The following SPECC1 variants were observed in gnomAD, a reference collection of about 807,000 sequenced individuals.
The protein encoded by SPECC1 is cytospin-B.
SPECC1 carries 62 observed loss-of-function variants against 104.1 expected under a neutral mutation model. The observed-to-expected ratio is 0.60, with a 90% CI of 0.49 to 0.74. SPECC1 has a LOEUF of 0.74. Among genes scored for constraint, SPECC1 ranks in the 30% least tolerant of loss-of-function variants. The pLI, the probability that SPECC1 is intolerant of heterozygous loss-of-function variation, is 0.00. For missense variants in SPECC1, 1,306 were observed against 1,310.5 expected (o/e 1.00, Z 0.05); for synonymous variants, 513 against 501.6 (o/e 1.02, Z -0.30).
At chr17:20,011,882 CCAT>C (rs2043956469) in intron 1 of SPECC1, among the ~76,000 whole-genome samples, 1 of 152,020 alleles carries the variant, frequency 6.6e-6, no homozygotes, top group Admixed American at 6.5e-5. Flanking sequence ...TACCTGTTTA[CCAT>C]TTCTTCACTT....
chr17:20,295,246 C>T (rs2041310312), intron 12 of SPECC1, among the ~76,000 whole-genome samples: 1 of 147,400 alleles, frequency 6.8e-6, no homozygotes, highest in Non-Finnish European at 1.5e-5. Flanking sequence ...GTTTAGTTCC[C>T]ACCTATGAGT....
intron 12 of SPECC1, among the ~76,000 whole-genome samples, chr17:20,283,561 C>G (rs1444942268): frequency 6.6e-6 from 1 of 152,094 alleles, no homozygotes; most frequent in Non-Finnish European, 1.5e-5. Context: ...ATTACAGGTT[C>G]ATTTCTCTGC....
chr17:20,103,694 A>T (rs1176330341), intron 2 of SPECC1, among the ~76,000 whole-genome samples: 2 of 152,048 alleles, frequency 1.3e-5, no homozygotes, highest in Non-Finnish European at 2.9e-5. Context: ...CAGTCTCCCT[A>T]GGAGCATGGC....
At chr17:20,059,887 A>G (rs981545119) in intron 1 of SPECC1, among the ~76,000 whole-genome samples, 1 of 152,074 alleles carries the variant, frequency 6.6e-6, no homozygotes, top group Non-Finnish European at 1.5e-5. Context: ...ACAAAGCAAA[A>G]CAAACATGAG....
chr17:20,120,482 G>A (rs1037008048), intron 3 of SPECC1, among the ~76,000 whole-genome samples: 1 of 152,190 alleles, frequency 6.6e-6, no homozygotes, highest in Non-Finnish European at 1.5e-5. Context: ...AGGCTCAGCT[G>A]TGAAGGAAAA....
At chr17:20,062,817 T>C (rs972094838) in intron 1 of SPECC1, among the ~76,000 whole-genome samples, 2 of 151,614 alleles carry the variant, frequency 1.3e-5, no homozygotes, top group African/African-American at 4.9e-5. Context: ...GCCTCCCGAG[T>C]AGCAAGGATT....
Position 20,245,980 on chromosome 17 carries a change from T to G in SPECC1, c.2406T>G (p.Pro802=), listed in dbSNP as rs1344496769. ...AGGTCGATGCTGCTGGTCGGTGGCC[T>G]GGTGTCTGTGTTAGCAGAACATCTC... is the stretch of plus-strand genomic sequence containing the variant. ...SSEVDAAGRW[P]GVCVSRTSPT... The change falls in exon 8 of 15, where the codon CCT becomes CCG. Residue 802 remains proline (P), a synonymous_variant. Transcript: ENST00000395527. 1.9e-6 allele frequency: 3 copies of G among 1,614,188 alleles called. No homozygotes were observed. Among genetic ancestry groups the G allele is most frequent in the Non-Finnish European group, 2.5e-6 (3 of 1,180,036 alleles).
intron 1 of SPECC1, among the ~76,000 whole-genome samples, chr17:20,077,415 C>T (rs1252071692): frequency 6.6e-6 from 1 of 152,046 alleles, no homozygotes; most frequent in African/African-American, 2.4e-5. Flanking sequence ...CAATCTGTTT[C>T]TACGCCATTA....
chr17:20,238,795 A>G (rs2151509793), intron 7 of SPECC1: 1 of 1,045,454 alleles, frequency 9.6e-7, no homozygotes, highest in Non-Finnish European at 1.2e-6. Context: ...GCACTGCTGT[A>G]TTTGCACCCT....
At chr17:20,270,474 C>G (rs1191486122) in intron 12 of SPECC1, among the ~76,000 whole-genome samples, 1 of 140,234 alleles carries the variant, frequency 7.1e-6, no homozygotes, top group Non-Finnish European at 1.5e-5. Flanking sequence ...AAAACATTAG[C>G]CGGCTACGAT....
At position 20,228,950 on chromosome 17, in the gene SPECC1, C is replaced by T. The variant is rs116557041; in HGVS notation, c.2071+1330C>T. 1.6e-3 allele frequency among the ~76,000 whole-genome samples: 247 copies of T among 152,260 alleles called. 1 individual carries two copies. The highest frequency in any genetic ancestry group is 5.8e-3 in the African/African-American group (239 of 41,544). On this transcript the variant is annotated intron_variant, in intron 5 of 14. Transcript: ENST00000395527. The stretch of plus-strand genomic sequence containing the variant: ...TGAGAAGTTCCTTACCCCATGCAGT[C>T]GATCCTCCTTATTCACAGATTTCAC...
intron 1 of SPECC1, among the ~76,000 whole-genome samples, chr17:20,065,279 G>C (rs887539040): frequency 8.5e-5 from 13 of 152,176 alleles, no homozygotes; most frequent in African/African-American, 2.7e-4. Context: ...GAGAGCATCA[G>C]ATCCCACAGG....
In SPECC1 at chr17:20,105,295, A is replaced by G. The variant is rs191843194; in HGVS notation, c.148-5132A>G. On this transcript the variant is annotated intron_variant, in intron 2 of 14. Transcript: ENST00000395527. ...TTATTTGTAGAAATGGAGTCTTACT[A>G]TGTTGCTCAGGCTGGTCTTGGACTC... is the stretch of plus-strand genomic sequence containing the variant. Among the ~76,000 whole-genome samples, 215 of 152,298 alleles carry G rather than the reference A, an allele frequency of 1.4e-3. 2 individuals carry two copies. The South Asian group carries it at 0.023, about 16-fold the overall frequency.
At chr17:20,162,569 C>T (rs1234014594) in intron 3 of SPECC1, among the ~76,000 whole-genome samples, 1 of 152,204 alleles carries the variant, frequency 6.6e-6, no homozygotes, top group African/African-American at 2.4e-5. Context: ...TTAAAATAGA[C>T]ACACATAGAA....
chr17:20,116,388 A>G (rs1157086138), intron 3 of SPECC1, among the ~76,000 whole-genome samples: 2 of 152,140 alleles, frequency 1.3e-5, no homozygotes, highest in African/African-American at 2.4e-5. Context: ...ATGACCGGCC[A>G]TCAGTAGCTT....
chr17:20,219,962 C>T (rs1317300268), intron 4 of SPECC1, among the ~76,000 whole-genome samples: 4 of 151,972 alleles, frequency 2.6e-5, no homozygotes, highest in Non-Finnish European at 5.9e-5. Flanking sequence ...GTTCTTGGCA[C>T]CTTTGTCGAA....
chr17:20,079,731 G>A (rs2046893323), intron 1 of SPECC1, among the ~76,000 whole-genome samples: 1 of 152,144 alleles, frequency 6.6e-6, no homozygotes, highest in Admixed American at 6.5e-5. Context: ...GAACGTGCCA[G>A]CCTCCAGGGA....
chr17:20,204,279 GT>G, intron 3 of SPECC1, 53 bp from the exon 4 acceptor site: 2 of 1,557,868 alleles, frequency 1.3e-6, no homozygotes, highest in Non-Finnish European at 1.7e-6. Flanking sequence ...TTTGGGTTTT[GT>G]TTATAAGAAT....
At chr17:20,129,807 G>T (rs1453144045) in intron 3 of SPECC1, among the ~76,000 whole-genome samples, 1 of 152,084 alleles carries the variant, frequency 6.6e-6, no homozygotes, top group Non-Finnish European at 1.5e-5. Flanking sequence ...AGGCTGGAGT[G>T]CAATGGCACA....
Sources: gnomAD v4.1 joint callset for allele counts (sites outside exome capture counted in the v4.1 genomes callset) on GRCh38, gnomAD v4.1.1 for gene constraint, MANE v1.5 for transcripts, NCBI Gene and HGNC (gene_info 2026-07-23, HGNC 2026-07-21) for gene names.